The following DGKB variants were observed in gnomAD, a reference collection of about 807,000 sequenced individuals.
DGKB encodes 90 kDa diacylglycerol kinase.
In DGKB, 67 loss-of-function variants were observed where a neutral mutation model predicts 114.3. That is an observed-to-expected ratio of 0.59 (90% CI 0.48 to 0.72). The LOEUF is 0.72. DGKB is among the 30% of genes least tolerant of loss of function. DGKB has a pLI of 0.00. For synonymous variants in DGKB, 398 were observed against 323.1 expected (o/e 1.23, Z -2.49); for missense variants, 907 against 975.2 (o/e 0.93, Z 0.93).
At position 14,755,224 on chromosome 7, in the gene DGKB, T is replaced by C. The variant is rs551721466; in HGVS notation, c.148-1276A>G. Reference sequence around the variant, plus strand: ...TGGGAATTAAAAGTAAATGATTCATTCACATATTATACTTAATATTTTTTC... The same window carrying C: ...TGGGAATTAAAAGTAAATGATTCATCCACATATTATACTTAATATTTTTTC... On this transcript the variant is annotated intron_variant, in intron 3 of 25. Coordinates refer to ENST00000402815, the MANE Select transcript of DGKB (RefSeq NM_001350709.2). Among the ~76,000 whole-genome samples the C allele has an allele frequency of 1.1e-4, 16 of 152,220 alleles. 1 individual carries two copies. The South Asian group carries it at 3.3e-3, about 32-fold the overall frequency.
chr7:14,316,868 T>C, intron 23 of DGKB, among the ~76,000 whole-genome samples: 1 of 134,504 alleles, frequency 7.4e-6, no homozygotes, highest in African/African-American at 2.9e-5. Context: ...TGATGAACAT[T>C]GATGCAAAAA....
intron 21 of DGKB, among the ~76,000 whole-genome samples, chr7:14,411,162 C>T (rs568757753): frequency 7.9e-5 from 12 of 152,160 alleles, no homozygotes; most frequent in South Asian, 2.1e-4. Context: ...TATTCAACAC[C>T]GTTATAAAAT....
chr7:14,524,839 A>T (rs1790388530), intron 20 of DGKB, among the ~76,000 whole-genome samples: 2 of 152,060 alleles, frequency 1.3e-5, no homozygotes, highest in Admixed American at 6.6e-5. Flanking sequence ...AATTACTGTT[A>T]ATTTTGTGAG....
chr7:14,395,872 G>T (rs904535725), intron 21 of DGKB, among the ~76,000 whole-genome samples: 25 of 151,876 alleles, frequency 1.6e-4, no homozygotes, highest in African/African-American at 5.1e-4. Context: ...AAGGGTTAAT[G>T]CTTTATTTCC....
chr7:14,847,176 A>G (rs1325776028), intron 1 of DGKB, among the ~76,000 whole-genome samples: 2 of 151,772 alleles, frequency 1.3e-5, no homozygotes, highest in African/African-American at 4.8e-5. Context: ...CTGTAGTCCC[A>G]GCTACTCGGG....
At chr7:14,344,190 C>T (rs973269721) in intron 22 of DGKB, among the ~76,000 whole-genome samples, 3 of 151,104 alleles carry the variant, frequency 2.0e-5, no homozygotes, top group African/African-American at 7.3e-5. Flanking sequence ...AATCCTTCAC[C>T]TCTGTAATTA....
At chr7:14,826,784 A>G (rs1845760214) in intron 2 of DGKB, among the ~76,000 whole-genome samples, 2 of 152,194 alleles carry the variant, frequency 1.3e-5, no homozygotes, top group Non-Finnish European at 2.9e-5. Flanking sequence ...GTGTTAACAT[A>G]GTTAAAATTT....
At chr7:14,527,672 A>T (rs889667442) in intron 20 of DGKB, among the ~76,000 whole-genome samples, 1 of 152,070 alleles carries the variant, frequency 6.6e-6, no homozygotes, top group Non-Finnish European at 1.5e-5. Flanking sequence ...CGGGTTTAAG[A>T]TCTATTTTTC....
At chr7:14,713,137 C>G (rs1827636372) in intron 6 of DGKB, among the ~76,000 whole-genome samples, 1 of 150,662 alleles carries the variant, frequency 6.6e-6, no homozygotes, top group Admixed American at 6.6e-5. Flanking sequence ...GTTAAAAGAT[C>G]AGAGCAAAGG....
At chr7:14,320,993 A>C (rs1807667930) in intron 23 of DGKB, among the ~76,000 whole-genome samples, 1 of 152,190 alleles carries the variant, frequency 6.6e-6, no homozygotes. Flanking sequence ...GTTGCTTTAA[A>C]ATTTAAAAAT....
intron 23 of DGKB, among the ~76,000 whole-genome samples, chr7:14,280,927 C>T (rs28816521): frequency 0.011 from 1,697 of 151,816 alleles, 36 homozygotes; most frequent in African/African-American, 0.039. Flanking sequence ...GAAAGACCAT[C>T]GAGACTAGGA....
chr7:14,795,708 A>AT (rs1297137411), intron 2 of DGKB, among the ~76,000 whole-genome samples: 2 of 152,080 alleles, frequency 1.3e-5, no homozygotes, highest in Non-Finnish European at 2.9e-5. Flanking sequence ...GGCTACTGTA[A>AT]TGGACAGTAG....
chr7:14,701,211 C>T (rs1319174372), intron 7 of DGKB, among the ~76,000 whole-genome samples: 1 of 151,978 alleles, frequency 6.6e-6, no homozygotes, highest in African/African-American at 2.4e-5. Context: ...ATACATTTAC[C>T]TATTTCAGCC....
intron 14 of DGKB, among the ~76,000 whole-genome samples, chr7:14,622,919 A>T (rs1386477476): frequency 6.6e-6 from 1 of 152,192 alleles, no homozygotes; most frequent in Non-Finnish European, 1.5e-5. Context: ...GTCAAATGTC[A>T]GAGAAGTTTC....
At chr7:14,396,112 C>T (rs1329967728) in intron 21 of DGKB, among the ~76,000 whole-genome samples, 1 of 151,804 alleles carries the variant, frequency 6.6e-6, no homozygotes, top group African/African-American at 2.4e-5. Flanking sequence ...ATGAGATTTC[C>T]TTCTGTTATG....
At chr7:14,517,911 A>G (rs563328590) in intron 20 of DGKB, among the ~76,000 whole-genome samples, 2 of 152,216 alleles carry the variant, frequency 1.3e-5, no homozygotes, top group Non-Finnish European at 2.9e-5. Context: ...GGCAATTTCT[A>G]AAAGAACTTA....
intron 21 of DGKB, among the ~76,000 whole-genome samples, chr7:14,387,113 T>TTTA (rs1820481035): frequency 1.4e-5 from 2 of 146,060 alleles, no homozygotes; most frequent in South Asian, 2.4e-4. Context: ...TATTTATTTA[T>TTTA]TTATTTATTT....
At chr7:14,227,510 T>C (rs1367777248) in intron 23 of DGKB, among the ~76,000 whole-genome samples, 1 of 152,034 alleles carries the variant, frequency 6.6e-6, no homozygotes, top group African/African-American at 2.4e-5. Context: ...CTACCAGGCA[T>C]ACAAGTGATC....
chr7:14,228,572 G>A lies in DGKB; in HGVS notation c.2123-50421C>T, dbSNP rs143157664. On this transcript the variant is annotated intron_variant, in intron 23 of 25. Coordinates refer to ENST00000402815, the MANE Select transcript of DGKB (RefSeq NM_001350709.2). Reference sequence around the variant, plus strand: ...CACACACTCACACACACAGTACAGCGCTACACTGGCTGCTTCATAATGCCA... The same window carrying A: ...CACACACTCACACACACAGTACAGCACTACACTGGCTGCTTCATAATGCCA... Among the ~76,000 whole-genome samples, 378 of 151,938 alleles carry A rather than the reference G, an allele frequency of 2.5e-3. 1 individual carries two copies. Among genetic ancestry groups the A allele is most frequent in the African/African-American group, 4.9e-3 (205 of 41,492 alleles).
Sources: allele counts gnomAD v4.1 joint callset (sites outside exome capture counted in the v4.1 genomes callset), GRCh38; gene constraint gnomAD v4.1.1; transcripts MANE v1.5; gene names NCBI Gene and HGNC (gene_info 2026-07-23, HGNC 2026-07-21).